The following COL6A3 variants were observed in gnomAD, a reference collection of about 807,000 sequenced individuals.
COL6A3 encodes the protein collagen alpha-3(VI) chain.
Under a neutral mutation model 274.1 loss-of-function variants are expected in COL6A3, and 137 were observed. That is an observed-to-expected ratio of 0.50 (90% confidence interval 0.44 to 0.58). COL6A3 has a LOEUF of 0.58. Among genes scored for constraint, COL6A3 ranks in the 20% least tolerant of loss-of-function variants. The probability of loss-of-function intolerance (pLI) is 0.00; values close to 1 mark genes in which losing one functional copy is unlikely to be tolerated. For missense variants in COL6A3, 3,950 were observed against 4,124.9 expected, an observed-to-expected ratio of 0.96 and a Z score of 1.16; for synonymous variants, 1,650 against 1,650.6, an observed-to-expected ratio of 1.00 and a Z score of 0.01.
At position 237,356,625 on chromosome 2, in the gene COL6A3, T is replaced by C. The variant is rs6712935; in HGVS notation, c.6591+713A>G. 2.7e-3 allele frequency among the ~76,000 whole-genome samples: 416 copies of C among 152,318 alleles called. 1 individual carries two copies. Among genetic ancestry groups the C allele is most frequent in the African/African-American group, 9.6e-3 (400 of 41,578 alleles). ...GCAGCCTTTGTGCTCTGTTCATTTC[T>C]GAGCAGAGACCTCCCCTAGGCACCC... On this transcript the variant is annotated intron_variant, in intron 23 of 43. Coordinates refer to ENST00000295550, the MANE Select transcript of COL6A3 (RefSeq NM_004369.4).
In COL6A3 at chr2:237,340,570, C is replaced by T. The variant is rs35911211; in HGVS notation, c.8346G>A (p.Glu2782=). 1,110 of 1,614,194 alleles carry T rather than the reference C, an allele frequency of 6.9e-4. 6 individuals carry two copies. In the African/African-American group the frequency reaches 0.01, roughly 15 times the overall value. ...LGIGRKVNIK[E]VYTFASEPND... ...TTGGCTCACTGGCGAAGGTGTATAC[C>T]TCCTTGATGTTCACCTTCCTGCCAA... The change falls in exon 38 of 44, where the codon GAG becomes GAA. Residue 2782 remains glutamate (E), a synonymous_variant. Coordinates refer to ENST00000295550, the MANE Select transcript of COL6A3 (RefSeq NM_004369.4).
At chr2:237,326,127 T>C (rs1031127001) in intron 42 of COL6A3, 1 of 166,440 alleles carries the variant, frequency 6.0e-6, no homozygotes, top group African/African-American at 2.4e-5. Context: ...TTTATAATTC[T>C]TGGCAAAATG....
chr2:237,395,773 T>C (rs989380033), intron 2 of COL6A3, among the ~76,000 whole-genome samples: 2 of 152,230 alleles, frequency 1.3e-5, no homozygotes, highest in African/African-American at 2.4e-5. Context: ...AAAAGACTTA[T>C]TTTTTCCAGA....
intron 1 of COL6A3, among the ~76,000 whole-genome samples, chr2:237,409,040 A>G (rs1421520708): frequency 6.6e-6 from 1 of 152,116 alleles, no homozygotes; most frequent in Non-Finnish European, 1.5e-5. Context: ...AAATGTCCAG[A>G]TTCCAAGATG....
In COL6A3 at chr2:237,369,027, T is replaced by A. The variant is rs369449472; in HGVS notation, c.4436A>T (p.Gln1479Leu). 7.7e-5 allele frequency: 125 copies of A among 1,614,222 alleles called. No individual in the cohort carries two copies. The Middle Eastern group carries it at 1.2e-3, about 15-fold the overall frequency. ...TTCTGGGAAGACATCATTGCTGAAC[T>A]GCACGACCCCAACTCTCACTTTACT... ...GPSKVRVGVVQFSNDVFPEFY... is the reference protein window; with the variant it reads ...GPSKVRVGVVLFSNDVFPEFY... Residue 1479 changes from glutamine (Q) to leucine (L), a missense_variant, in exon 10 of 44, where the codon CAG becomes CTG. This residue lies in a region of COL6A3 where 1,934 missense variants were observed against 1,984.3 expected (regional missense o/e 0.97). Coordinates refer to ENST00000295550, the MANE Select transcript of COL6A3 (RefSeq NM_004369.4).
intron 37 of COL6A3, among the ~76,000 whole-genome samples, chr2:237,341,543 TAAAA>T (rs71039760): frequency 2.0e-5 from 1 of 49,092 alleles, no homozygotes. Context: ...AGACTCTGTC[TAAAA>T]AAAAAAAAAA....
chr2:237,354,870 G>T, intron 24 of COL6A3, 29 bp downstream of exon 24: 1 of 1,608,088 alleles, frequency 6.2e-7, no homozygotes, highest in Non-Finnish European at 8.5e-7. Flanking sequence ...TTTGAAGAGA[G>T]TCTCCAGGGG....
rs2077446072 is a variant in COL6A3, at chr2:237,361,915, CG to C, written c.6064-85del. ...ATAAATGCGCTTTAAGGGTCAAAAT[CG>C]GATGTGTGGGGGTTTCACGGTGTGA... On this transcript the variant is annotated intron_variant, in intron 14 of 43. Coordinates refer to ENST00000295550, the MANE Select transcript of COL6A3 (RefSeq NM_004369.4). The surrounding 1 kb of genome is among the most constrained non-coding windows in gnomAD (Gnocchi z 5.1). 8.3e-7 allele frequency: 1 copy of C among 1,210,116 alleles called. No homozygotes were observed. The highest frequency in any genetic ancestry group is 2.3e-5 in the East Asian group (1 of 42,652). The allele number at this position is 1,210,116 out of a possible 1,614,324, so 75.0% of individuals were successfully genotyped here. A position where few individuals can be genotyped will look rare whatever the true frequency, so the allele number is the denominator to read the frequency against.
chr2:237,335,471 G>A (rs1003861256), intron 40 of COL6A3, among the ~76,000 whole-genome samples: 2 of 152,208 alleles, frequency 1.3e-5, no homozygotes, highest in Admixed American at 6.5e-5. Flanking sequence ...TTAAGTTGGT[G>A]CAGAGTCATT....
chr2:237,396,808 G>C lies in COL6A3; in HGVS notation c.10C>G (p.His4Asp). 6.2e-7 allele frequency: 1 copy of C among 1,614,112 alleles called. No homozygotes were observed. Among genetic ancestry groups the C allele is most frequent in the Non-Finnish European group, 8.5e-7 (1 of 1,179,978 alleles). MRK[H>D]RHLPLVAVFC... ...ACGGCCACTAAGGGCAAGTGCCGAT[G>C]TTTCCTCATTTTGAATTTGTCTAAG... is the stretch of plus-strand genomic sequence containing the variant. The change falls in exon 2 of 44, where the codon CAT (histidine) becomes GAT (aspartate). Residue 4 changes from histidine to aspartate, a missense_variant. Transcript: ENST00000295550.
chr2:237,378,841 G>T lies in COL6A3; in HGVS notation c.2292C>A (p.Asn764Lys), dbSNP rs116066149. 7 of 1,614,220 alleles carry T rather than the reference G, an allele frequency of 4.3e-6. No individual in the cohort carries two copies. Among genetic ancestry groups the T allele is most frequent in the Admixed American group, 3.3e-5 (2 of 60,018 alleles). The change falls in exon 6 of 44, where the codon AAC becomes AAA. Residue 764 changes from asparagine (N) to lysine (K), a missense_variant. By Grantham distance (94) the Asn-to-Lys change is moderately conservative (BLOSUM62 0). This residue lies in a region of COL6A3 where 1,934 missense variants were observed against 1,984.3 expected (regional missense o/e 0.97). Coordinates refer to ENST00000295550, the MANE Select transcript of COL6A3 (RefSeq NM_004369.4). ...TCAGGATGCCCGCGCGTGTCAAGGCGTTGGCAGCTTGCAAATAGGAGTCCT... is the reference window on the plus strand; with the variant it reads ...TCAGGATGCCCGCGCGTGTCAAGGCTTTGGCAGCTTGCAAATAGGAGTCCT... Reference protein sequence around the residue: ...QSEDSYLQAANALTRAGILTF... With the variant: ...QSEDSYLQAAKALTRAGILTF...
rs112637114 is a variant in COL6A3, at chr2:237,361,190, C to G, written c.6157-16G>C. On this transcript the variant is annotated splice_polypyrimidine_tract_variant and intron_variant, in intron 15 of 43. Transcript: ENST00000295550. The surrounding 1 kb of genome is among the most constrained non-coding windows in gnomAD (Gnocchi z 5.1). Reference sequence around the variant, plus strand: ...CAGGAATACCCTGAAACAAAGTAATCGGGTCCTCTGTTTAATCCCGTGGTC... The same window carrying G: ...CAGGAATACCCTGAAACAAAGTAATGGGGTCCTCTGTTTAATCCCGTGGTC... 24 of 1,612,952 alleles carry G rather than the reference C, an allele frequency of 1.5e-5. No homozygotes were observed. The South Asian group carries it at 2.6e-4, about 18-fold the overall frequency.
At chr2:237,348,849 T>C (rs2106329267) in intron 28 of COL6A3, among the ~76,000 whole-genome samples, 186 bp from the exon 29 acceptor site, 1 of 152,334 alleles carries the variant, frequency 6.6e-6, no homozygotes, top group East Asian at 1.9e-4. Context: ...AGACCATTTC[T>C]GTAGGCGGTG....
chr2:237,412,891 T>C (rs1422135795), intron 1 of COL6A3, among the ~76,000 whole-genome samples: 1 of 152,158 alleles, frequency 6.6e-6, no homozygotes, highest in Non-Finnish European at 1.5e-5. Flanking sequence ...CAGACTCCCC[T>C]GTGCTCAGAG....
intron 39 of COL6A3, among the ~76,000 whole-genome samples, chr2:237,338,190 A>C (rs773204257): frequency 2.6e-5 from 4 of 152,234 alleles, no homozygotes; most frequent in Non-Finnish European, 5.9e-5. Context: ...CAGAAGTAAC[A>C]GTGTGCCAGT....
intron 32 of COL6A3, among the ~76,000 whole-genome samples, 168 bp from the exon 33 acceptor site, chr2:237,345,381 AGAG>A (rs1314846947): frequency 6.6e-6 from 1 of 152,210 alleles, no homozygotes; most frequent in Non-Finnish European, 1.5e-5. Context: ...AAAGCAAAAA[AGAG>A]AAGATTCTGG....
At chr2:237,372,400 C>T in intron 8 of COL6A3, 63 bp from the exon 9 acceptor site, 1 of 1,599,498 alleles carries the variant, frequency 6.3e-7, no homozygotes, top group Non-Finnish European at 8.5e-7. Flanking sequence ...CGTTCATGAG[C>T]CACCGCCCAG....
chr2:237,392,971 G>T (rs1177209673), intron 3 of COL6A3, among the ~76,000 whole-genome samples: 1 of 152,146 alleles, frequency 6.6e-6, no homozygotes, highest in Non-Finnish European at 1.5e-5. Flanking sequence ...TGCACACTCA[G>T]CTGTCTCCAG....
chr2:237,357,027 A>T, intron 23 of COL6A3: 1 of 462,058 alleles, frequency 2.2e-6, no homozygotes, highest in Non-Finnish European at 3.9e-6. Flanking sequence ...CAGTATTAGG[A>T]TTTCCATTTG....
Sources: gnomAD v4.1 joint callset for allele counts (sites outside exome capture counted in the v4.1 genomes callset) on GRCh38, gnomAD v4.1.1 for gene constraint, gnomAD v4.1.1 regional missense constraint, Gnocchi (gnomAD v3.1) non-coding constraint, MANE v1.5 for transcripts, NCBI Gene and HGNC (gene_info 2026-07-23, HGNC 2026-07-21) for gene names.